CDH12: variants seen among roughly 807,000 people sequenced by gnomAD.
CDH12 encodes cadherin 12, also known as cadherin-12.
CDH12 carries 41 observed loss-of-function variants against 74.1 expected under a neutral mutation model. The ratio of observed to expected loss-of-function variants is 0.55; its 90% CI spans 0.43 to 0.72. The LOEUF (loss-of-function observed/expected upper bound fraction) is 0.72. CDH12 is among the 30% of genes least tolerant of loss of function. CDH12 has a pLI of 0.00. For missense variants in CDH12, 945 were observed against 977.2 expected (o/e 0.97, Z 0.44); for synonymous variants, 399 against 355.0 (o/e 1.12, Z -1.39).
chr5:22,079,940 T>C (rs1742606459), intron 4 of CDH12, among the ~76,000 whole-genome samples: 1 of 150,454 alleles, frequency 6.6e-6, no homozygotes, highest in Non-Finnish European at 1.5e-5. Context: ...GGGTAAAACC[T>C]ACGTTAGCAA....
chr5:22,404,342 A>G (rs1742851543), intron 3 of CDH12, among the ~76,000 whole-genome samples: 1 of 152,092 alleles, frequency 6.6e-6, no homozygotes, highest in Non-Finnish European at 1.5e-5. Flanking sequence ...TCTTTCCAAT[A>G]TACAGTCTCT....
intron 11 of CDH12, among the ~76,000 whole-genome samples, chr5:21,772,211 A>G (rs1194750809): frequency 6.6e-6 from 1 of 152,144 alleles, no homozygotes; most frequent in Non-Finnish European, 1.5e-5. Context: ...CTTTGATTAT[A>G]TCTCCTCAAT....
intron 3 of CDH12, among the ~76,000 whole-genome samples, chr5:22,242,368 T>TA (rs1299690076): frequency 2.6e-5 from 4 of 152,220 alleles, no homozygotes; most frequent in African/African-American, 2.4e-5. Context: ...TTCGTTTTTT[T>TA]CATTTGAGAC....
At position 21,880,575 on chromosome 5, in the gene CDH12, C is replaced by CTTT. The variant is rs1752225701; in HGVS notation, c.527-25786_527-25785insAAA. Among the ~76,000 whole-genome samples the CTTT allele has an allele frequency of 4.2e-4, 15 of 35,416 alleles. 3 individuals carry two copies. Among genetic ancestry groups the CTTT allele is most frequent in the African/African-American group, 1.4e-3 (12 of 8,378 alleles). The allele number at this position is 35,416 out of a possible 152,430, so 23.2% of individuals were successfully genotyped here. On this transcript the variant is annotated intron_variant, in intron 6 of 14. Coordinates refer to ENST00000382254, the MANE Select transcript of CDH12 (RefSeq NM_004061.5). ...CCTTCCTTCCTTCCCTTCTTTCTTTCCTTCCTTCCTTCCTTCCTTCCTTCC... is the reference window on the plus strand; with the variant it reads ...CCTTCCTTCCTTCCCTTCTTTCTTTCTTTCTTCCTTCCTTCCTTCCTTCCTTCC...
rs558924831 is a variant in CDH12 at position 22,066,284 on chromosome 5, C to A, written c.231+12162G>T. 3.3e-5 allele frequency among the ~76,000 whole-genome samples: 5 copies of A among 152,170 alleles called. No individual in the cohort carries two copies. In the East Asian group the frequency reaches 9.7e-4, roughly 29 times the overall value. ...TTACCCCAGCACTATACACTGAACC[C>A]AATTTTTAGTCTTTTATTCCTTACC... On this transcript the variant is annotated intron_variant, in intron 5 of 14. Coordinates refer to ENST00000382254, the MANE Select transcript of CDH12 (RefSeq NM_004061.5).
intron 1 of CDH12, among the ~76,000 whole-genome samples, chr5:22,707,429 T>C (rs1316815067): frequency 6.6e-6 from 1 of 152,192 alleles, no homozygotes; most frequent in Non-Finnish European, 1.5e-5. Context: ...TTTAATGTCA[T>C]GTTTTAGTCA....
At chr5:22,705,763 G>GA (rs1742976867) in intron 1 of CDH12, among the ~76,000 whole-genome samples, 1 of 151,426 alleles carries the variant, frequency 6.6e-6, no homozygotes, top group African/African-American at 2.4e-5. Context: ...ATAATACAAT[G>GA]AAAAAAAGCA....
At chr5:22,317,883 G>A (rs939882138) in intron 3 of CDH12, among the ~76,000 whole-genome samples, 7 of 152,192 alleles carry the variant, frequency 4.6e-5, no homozygotes, top group African/African-American at 1.7e-4. Flanking sequence ...CAGACAGCAA[G>A]ATTCACTTGC....
intron 1 of CDH12, among the ~76,000 whole-genome samples, chr5:22,559,457 G>A (rs1394702399): frequency 1.3e-5 from 2 of 151,906 alleles, no homozygotes; most frequent in African/African-American, 4.8e-5. Context: ...ACATACATCA[G>A]AAATACACCA....
In CDH12 at chr5:22,078,852, T is replaced by A; in HGVS notation, c.-176A>T. 1 of 1,368,500 alleles carries A rather than the reference T, an allele frequency of 7.3e-7. No homozygotes were observed. The allele number at this position is 1,368,500 out of a possible 1,614,324, so 84.8% of individuals were successfully genotyped here. On this transcript the variant is annotated 5_prime_UTR_variant, in exon 5 of 15. It removes an upstream start codon present in the reference 5' UTR. Transcript: ENST00000382254. ...AAGGCTTCTGCTGTATTATATTCCA[T>A]CTAAAGGGGCCTATGAAATAGATGA...
chr5:22,068,267 C>G (rs765889233), intron 5 of CDH12, among the ~76,000 whole-genome samples: 45 of 152,302 alleles, frequency 3.0e-4, no homozygotes, highest in Non-Finnish European at 5.0e-4. Context: ...TCCTGCCACA[C>G]TCTCTTCTCT....
chr5:22,100,604 C>A (rs937279186), intron 4 of CDH12, among the ~76,000 whole-genome samples: 2 of 150,348 alleles, frequency 1.3e-5, no homozygotes, highest in Non-Finnish European at 3.0e-5. Flanking sequence ...CTATAAAAAT[C>A]TTACCAGTGT....
rs34665859 is a variant in CDH12 at position 22,229,360 on chromosome 5, C to CAAAA, written c.-332-16721_-332-16718dup. Among the ~76,000 whole-genome samples the CAAAA allele has an allele frequency of 1.8e-3, 228 of 125,384 alleles. 4 individuals are homozygous for CAAAA. Among genetic ancestry groups the CAAAA allele is most frequent in the African/African-American group, 5.8e-3 (223 of 38,266 alleles). The allele number at this position is 125,384 out of a possible 152,430, so 82.3% of individuals were successfully genotyped here. ...TTTACTTTATTTTTTCTGCCTTTTA[C>CAAAA]AAAAAAAAAATGACTAGACATTAAG... On this transcript the variant is annotated intron_variant, in intron 3 of 14. Transcript: ENST00000382254.
At chr5:22,113,386 G>T (rs898956198) in intron 4 of CDH12, among the ~76,000 whole-genome samples, 2 of 152,010 alleles carry the variant, frequency 1.3e-5, no homozygotes, top group African/African-American at 4.8e-5. Context: ...GTCTCTAAGG[G>T]CAGCCATCAG....
intron 5 of CDH12, among the ~76,000 whole-genome samples, chr5:21,989,032 A>G (rs557472209): frequency 6.6e-6 from 1 of 152,240 alleles, no homozygotes; most frequent in East Asian, 1.9e-4. Flanking sequence ...CGTTATAGCC[A>G]TTTTAATGTA....
chr5:21,939,380 G>T (rs1320960939), intron 6 of CDH12, among the ~76,000 whole-genome samples: 2 of 151,592 alleles, frequency 1.3e-5, no homozygotes, highest in Non-Finnish European at 2.9e-5. Flanking sequence ...TATACAAATA[G>T]CTAATTAAAG....
intron 4 of CDH12, among the ~76,000 whole-genome samples, chr5:22,153,887 T>A (rs1159327756): frequency 1.4e-5 from 1 of 70,216 alleles, no homozygotes; most frequent in African/African-American, 4.3e-5. Context: ...TATATATATA[T>A]AAATATATAT....
intron 3 of CDH12, among the ~76,000 whole-genome samples, chr5:22,379,224 A>G (rs183257522): frequency 6.6e-6 from 1 of 152,298 alleles, no homozygotes; most frequent in Admixed American, 6.5e-5. Flanking sequence ...AATGGTGGAA[A>G]GAGATCATGT....
chr5:22,827,469 C>T (rs956516624), intron 1 of CDH12, among the ~76,000 whole-genome samples: 3 of 152,052 alleles, frequency 2.0e-5, no homozygotes, highest in Non-Finnish European at 2.9e-5. Context: ...TCTGCTAGGG[C>T]AGTGAAGAAG....
Sources: gnomAD v4.1 joint callset for allele counts (sites outside exome capture counted in the v4.1 genomes callset) on GRCh38, gnomAD v4.1.1 for gene constraint, MANE v1.5 for transcripts, NCBI Gene and HGNC (gene_info 2026-07-23, HGNC 2026-07-21) for gene names.